The following FNDC1 variants were observed in gnomAD, a reference collection of about 807,000 sequenced individuals.
FNDC1 encodes fibronectin type III domain-containing protein 1.
FNDC1 carries 96 observed loss-of-function variants against 168.0 expected under a neutral mutation model. The observed-to-expected ratio is 0.57, with a 90% CI of 0.48 to 0.68. The LOEUF (loss-of-function observed/expected upper bound fraction) is 0.68, where lower values mean the gene tolerates loss of function less well. Among genes scored for constraint, FNDC1 ranks in the 30% least tolerant of loss-of-function variants. The pLI is 0.00. For synonymous variants in FNDC1, 1,099 were observed against 1,025.9 expected (o/e 1.07, Z -1.36); for missense variants, 2,587 against 2,482.1 (o/e 1.04, Z -0.90).
chr6:159,238,727 C>T lies in FNDC1; in HGVS notation c.4180+62C>T, dbSNP rs988870723. The T allele has an allele frequency of 3.6e-6, 4 of 1,096,854 alleles. No homozygotes were observed. In the African/African-American group the frequency reaches 4.7e-5, roughly 13 times the overall value. 67.9% of individuals were successfully genotyped at this position (1,096,854 alleles called of 1,614,324 possible). ...TGAATTAGCCATAGAATTACAGCTT[C>T]TATCTTCCTTCTCCCCCTCATTTAT... On this transcript the variant is annotated intron_variant, in intron 13 of 22. Transcript: ENST00000297267.
In FNDC1 at chr6:159,234,219, G is replaced by A; in HGVS notation, c.3707G>A (p.Ser1236Asn). Residue 1236 changes from serine (S) to asparagine (N), a missense_variant, in exon 11 of 23, where the codon AGC becomes AAC. Physicochemically the swap from Ser to Asn is conservative, Grantham distance 46 (BLOSUM62 1). Coordinates refer to ENST00000297267, the MANE Select transcript of FNDC1 (RefSeq NM_032532.3). ...ATCGCGCTTGCCCCTCGCGGAGGGAGCCTGGCTCCTGTGAAGCGACCTCTC... is the reference window on the plus strand; with the variant it reads ...ATCGCGCTTGCCCCTCGCGGAGGGAACCTGGCTCCTGTGAAGCGACCTCTC... ...PAIALAPRGGSLAPVKRPLPP... is the reference protein window; with the variant it reads ...PAIALAPRGGNLAPVKRPLPP... 1 of 1,594,912 alleles carries A rather than the reference G, an allele frequency of 6.3e-7. No individual in the cohort carries two copies. Among genetic ancestry groups the A allele is most frequent in the Non-Finnish European group, 8.5e-7 (1 of 1,170,720 alleles).
chr6:159,258,368 A>G (rs572475632), intron 18 of FNDC1, among the ~76,000 whole-genome samples: 2 of 152,306 alleles, frequency 1.3e-5, no homozygotes, highest in South Asian at 4.1e-4. Context: ...TTGAGAGTAT[A>G]TAATGGGGGA....
chr6:159,253,445 G>GA (rs1430960915), intron 17 of FNDC1, among the ~76,000 whole-genome samples: 1 of 152,196 alleles, frequency 6.6e-6, no homozygotes, highest in Non-Finnish European at 1.5e-5. Context: ...CAGGGCATTT[G>GA]AATCCTGCTG....
intron 15 of FNDC1, among the ~76,000 whole-genome samples, chr6:159,247,569 C>A (rs1777164286): frequency 6.6e-6 from 1 of 151,930 alleles, no homozygotes; most frequent in Admixed American, 6.6e-5. Context: ...GACAACATAA[C>A]AAGACCCTAT....
At chr6:159,267,718 A>C (rs998685375) in intron 21 of FNDC1, 86 bp from the exon 22 acceptor site, 237 of 1,425,080 alleles carry the variant, frequency 1.7e-4, no homozygotes, top group Non-Finnish European at 2.1e-4. Context: ...GAATTCAAAC[A>C]GTCTCCAAAG....
chr6:159,181,656 C>A (rs1022844353), intron 1 of FNDC1, among the ~76,000 whole-genome samples: 9 of 152,178 alleles, frequency 5.9e-5, no homozygotes, highest in African/African-American at 2.2e-4. Flanking sequence ...AGAGAAACCA[C>A]CAACTATGTC....
intron 22 of FNDC1, among the ~76,000 whole-genome samples, chr6:159,269,514 G>GCATCCATCTATC (rs1374245268): frequency 0.052 from 4,416 of 85,598 alleles, 314 homozygotes; most frequent in Non-Finnish European, 0.064. Flanking sequence ...ATCCATCCAT[G>GCATCCATCTATC]CATCCATCCA....
rs1297197311 is a variant in FNDC1, at chr6:159,233,335, G to A, written c.2823G>A (p.Lys941=). 2.5e-6 allele frequency: 4 copies of A among 1,613,830 alleles called. No individual in the cohort carries two copies. The highest frequency in any genetic ancestry group is 1.6e-4 in the Middle Eastern group (1 of 6,084). The part of the protein sequence containing the change: ...STGADTHPQG[K]YSSLASKAQD... The stretch of plus-strand genomic sequence containing the variant: ...GGGCAGATACACATCCTCAGGGCAA[G>A]TACTCCTCCCTGGCCTCCAAGGCTC... Residue 941 remains lysine, a synonymous_variant, in exon 11 of 23, where the codon AAG becomes AAA. Coordinates refer to ENST00000297267, the MANE Select transcript of FNDC1 (RefSeq NM_032532.3). The surrounding 1 kb of genome is among the most constrained non-coding windows in gnomAD (Gnocchi z 4.6).
intron 1 of FNDC1, among the ~76,000 whole-genome samples, chr6:159,194,572 A>C (rs1474934052): frequency 6.6e-6 from 1 of 152,228 alleles, no homozygotes; most frequent in East Asian, 1.9e-4. Flanking sequence ...AGAACTCAGA[A>C]TGCAACCAAC....
intron 5 of FNDC1, among the ~76,000 whole-genome samples, chr6:159,216,670 G>C (rs1452392775): frequency 6.6e-6 from 1 of 152,216 alleles, no homozygotes; most frequent in Admixed American, 6.5e-5. Flanking sequence ...GGGAAACCGG[G>C]CCACAGAGAG....
intron 14 of FNDC1, among the ~76,000 whole-genome samples, chr6:159,241,774 C>A (rs1783426072): frequency 6.6e-6 from 1 of 152,088 alleles, no homozygotes; most frequent in Non-Finnish European, 1.5e-5. Flanking sequence ...AAACCACTTT[C>A]TTGATGTATG....
intron 4 of FNDC1, among the ~76,000 whole-genome samples, 157 bp from the exon 5 acceptor site, chr6:159,214,788 G>C (rs1289390277): frequency 6.6e-6 from 1 of 152,124 alleles, no homozygotes; most frequent in Non-Finnish European, 1.5e-5. Flanking sequence ...GATACCCTTG[G>C]GGGAAAAATG....
chr6:159,211,824 G>C (rs1398254614), intron 4 of FNDC1, among the ~76,000 whole-genome samples: 1 of 152,178 alleles, frequency 6.6e-6, no homozygotes, highest in South Asian at 2.1e-4. Flanking sequence ...AATTCAGAGA[G>C]GTCTAAGCCA....
At chr6:159,250,144 TA>T (rs1347403513) in intron 16 of FNDC1, among the ~76,000 whole-genome samples, 2 of 152,230 alleles carry the variant, frequency 1.3e-5, no homozygotes, top group African/African-American at 4.8e-5. Flanking sequence ...AAAGGCTTAC[TA>T]TTGTCTGGCT....
Position 159,183,973 on chromosome 6 carries a change from T to C in FNDC1, c.110-13458T>C, listed in dbSNP as rs1245367705. The stretch of plus-strand genomic sequence containing the variant: ...TGGGTTTATACTTATTGCTTTTAAT[T>C]ATAATTACAGCTGAGAGGGAACAAA... On this transcript the variant is annotated intron_variant, in intron 1 of 22. Transcript: ENST00000297267. Among the ~76,000 whole-genome samples the C allele has an allele frequency of 2.0e-5, 3 of 152,230 alleles. No individual in the cohort carries two copies. The East Asian group carries it at 5.8e-4, about 29-fold the overall frequency.
At position 159,214,961 on chromosome 6, in the gene FNDC1, C is replaced by A. The variant is rs747651973; in HGVS notation, c.477C>A (p.Asn159Lys). 1.4e-5 allele frequency: 23 copies of A among 1,613,810 alleles called. No homozygotes were observed. In the East Asian group the frequency reaches 2.2e-4, roughly 16 times the overall value. The change falls in exon 5 of 23, where the codon AAC becomes AAA. Residue 159 changes from asparagine to lysine, a missense_variant. Coordinates refer to ENST00000297267, the MANE Select transcript of FNDC1 (RefSeq NM_032532.3). The stretch of plus-strand genomic sequence containing the variant: ...CTCTTTAAGAAAAGGAAGTGCCCAA[C>A]AAGCCCTTGCGTGTGCGTGTCCGGT... ...NETVTEKEVPNKPLRVRVRSS... is the reference protein window; with the variant it reads ...NETVTEKEVPKKPLRVRVRSS...
At chr6:159,214,434 G>A (rs1782669313) in intron 4 of FNDC1, among the ~76,000 whole-genome samples, 1 of 152,184 alleles carries the variant, frequency 6.6e-6, no homozygotes, top group Non-Finnish European at 1.5e-5. Context: ...GAGGAGCAAG[G>A]CTTAGACATG....
At chr6:159,208,174 G>T (rs534500636) in intron 4 of FNDC1, among the ~76,000 whole-genome samples, 2 of 152,346 alleles carry the variant, frequency 1.3e-5, no homozygotes, top group South Asian at 4.1e-4. Context: ...GTGTTGGTGG[G>T]GATTGGGCTG....
At chr6:159,263,505 G>T (rs1404515836) in intron 19 of FNDC1, among the ~76,000 whole-genome samples, 3 of 152,186 alleles carry the variant, frequency 2.0e-5, no homozygotes, top group Non-Finnish European at 4.4e-5. Context: ...GCTCACTCCT[G>T]TAATCCCAGC....
Sources: allele counts gnomAD v4.1 joint callset (sites outside exome capture counted in the v4.1 genomes callset), GRCh38; gene constraint gnomAD v4.1.1; non-coding constraint Gnocchi (gnomAD v3.1); transcripts MANE v1.5; gene names NCBI Gene and HGNC (gene_info 2026-07-23, HGNC 2026-07-21).